DGUOK: variants seen among roughly 807,000 people sequenced by gnomAD.
The protein encoded by DGUOK is deoxyguanosine kinase, also known as deoxyguanosine kinase, mitochondrial.
In DGUOK, 30 loss-of-function variants were observed where a neutral mutation model predicts 36.6. The observed-to-expected ratio is 0.82, with a 90% CI of 0.61 to 1.11. The LOEUF (loss-of-function observed/expected upper bound fraction) is 1.11. Among genes scored for constraint, DGUOK ranks in the 50% most tolerant of loss-of-function variants. The probability of loss-of-function intolerance (pLI) is 0.00; values close to 1 mark genes in which losing one functional copy is unlikely to be tolerated. For missense variants in DGUOK, 361 were observed against 336.4 expected (o/e 1.07, Z -0.57); for synonymous variants, 145 against 126.3 (o/e 1.15, Z -0.99).
chr2:73,935,228 G>T (rs1007890626), intron 1 of DGUOK, among the ~76,000 whole-genome samples: 4 of 152,202 alleles, frequency 2.6e-5, no homozygotes, highest in African/African-American at 9.6e-5. Context: ...GTGACAGAGA[G>T]AGACCCCCAT....
chr2:73,940,400 C>T (rs1369830673), intron 2 of DGUOK, among the ~76,000 whole-genome samples: 1 of 152,108 alleles, frequency 6.6e-6, no homozygotes, highest in Non-Finnish European at 1.5e-5. Flanking sequence ...TTCTGGGTGC[C>T]ATTTTTTTTT....
chr2:73,933,943 A>T (rs909721919), intron 1 of DGUOK, among the ~76,000 whole-genome samples: 1 of 152,238 alleles, frequency 6.6e-6, no homozygotes, highest in African/African-American at 2.4e-5. Context: ...TAAAAAAGAC[A>T]TTAGACAGTT....
chr2:73,957,082 A>C (rs750279491), intron 4 of DGUOK, 43 bp from the exon 5 acceptor site: 17 of 1,477,768 alleles, frequency 1.2e-5, no homozygotes, highest in Non-Finnish European at 1.4e-5. Flanking sequence ...TGTAGCAGCC[A>C]AAACAGCAAA....
chr2:73,934,073 T>C lies in DGUOK; in HGVS notation c.143-4837T>C, dbSNP rs1170174548. 2.0e-5 allele frequency among the ~76,000 whole-genome samples: 3 copies of C among 152,234 alleles called. No homozygotes were observed. In the East Asian group the frequency reaches 5.8e-4, roughly 29 times the overall value. ...TAGAGGTGATAAATATAGGCTCCTATGAAATACAGCTGTATTAGACGTAAA... is the reference window on the plus strand; with the variant it reads ...TAGAGGTGATAAATATAGGCTCCTACGAAATACAGCTGTATTAGACGTAAA... On this transcript the variant is annotated intron_variant, in intron 1 of 6. Transcript: ENST00000264093.
chr2:73,934,986 G>C, intron 1 of DGUOK, among the ~76,000 whole-genome samples: 1 of 151,810 alleles, frequency 6.6e-6, no homozygotes, highest in South Asian at 2.1e-4. Context: ...TGAGGCAGGA[G>C]AATCGCTTGA....
chr2:73,955,318 A>G (rs985883459), intron 4 of DGUOK, among the ~76,000 whole-genome samples: 1 of 152,240 alleles, frequency 6.6e-6, no homozygotes, highest in Non-Finnish European at 1.5e-5. Context: ...GGAAAATGAG[A>G]TGATAGCTTT....
chr2:73,946,981 A>T, intron 3 of DGUOK, 75 bp downstream of exon 3: 2 of 1,274,362 alleles, frequency 1.6e-6, no homozygotes, highest in Non-Finnish European at 2.2e-6. Flanking sequence ...CAGATCCTGC[A>T]CTGCTATGGT....
chr2:73,930,818 C>CA (rs1247352635), intron 1 of DGUOK, among the ~76,000 whole-genome samples: 1 of 103,756 alleles, frequency 9.6e-6, no homozygotes, highest in Non-Finnish European at 1.8e-5. Context: ...TTTTTTGAGA[C>CA]AGAGTCTTGC....
intron 1 of DGUOK, 134 bp downstream of exon 1, chr2:73,927,186 TC>T: frequency 8.0e-7 from 1 of 1,256,862 alleles, no homozygotes. Flanking sequence ...GGAGAGCCTT[TC>T]CCCTCGCAAA....
At chr2:73,952,415 G>A (rs1363598771) in intron 4 of DGUOK, among the ~76,000 whole-genome samples, 1 of 152,216 alleles carries the variant, frequency 6.6e-6, no homozygotes, top group African/African-American at 2.4e-5. Context: ...AGGACAGTTT[G>A]AAGTGTCAAA....
At chr2:73,944,275 C>T (rs1682124938) in intron 2 of DGUOK, among the ~76,000 whole-genome samples, 1 of 152,326 alleles carries the variant, frequency 6.6e-6, no homozygotes, top group Non-Finnish European at 1.5e-5. Context: ...CTGCCTTGGC[C>T]TCCCAAAGTG....
chr2:73,933,849 G>T (rs1681246544), intron 1 of DGUOK, among the ~76,000 whole-genome samples: 1 of 152,078 alleles, frequency 6.6e-6, no homozygotes, highest in Non-Finnish European at 1.5e-5. Flanking sequence ...ATAAACATTT[G>T]TTGATTGAAT....
intron 1 of DGUOK, among the ~76,000 whole-genome samples, chr2:73,934,475 G>A (rs955184139): frequency 2.0e-5 from 3 of 152,138 alleles, no homozygotes; most frequent in South Asian, 2.1e-4. Flanking sequence ...AAGACAGGCC[G>A]GGCGATGTGG....
At position 73,958,208 on chromosome 2, in the gene DGUOK, C is replaced by T. The variant is rs1402606988; in HGVS notation, c.770C>T (p.Ser257Phe). The T allele has an allele frequency of 6.2e-7, 1 of 1,613,812 alleles. No individual in the cohort carries two copies. Among genetic ancestry groups the T allele is most frequent in the Admixed American group, 1.7e-5 (1 of 60,012 alleles). The change falls in exon 6 of 7, where the codon TCT (serine) becomes TTT (phenylalanine). Residue 257 changes from serine to phenylalanine, a missense_variant. Coordinates refer to ENST00000264093, the MANE Select transcript of DGUOK (RefSeq NM_080916.3). ...VLVLDVNDDF[S>F]EEVTKQEDLM... ...GTGTTGGATGTCAATGATGATTTTT[C>T]TGAGGAAGTAACCAAACAAGAAGAC...
In DGUOK at chr2:73,936,289, C is replaced by T. The variant is rs189187406; in HGVS notation, c.143-2621C>T. 2.2e-3 allele frequency among the ~76,000 whole-genome samples: 332 copies of T among 152,250 alleles called. 2 individuals carry two copies. Among genetic ancestry groups the T allele is most frequent in the African/African-American group, 7.7e-3 (321 of 41,550 alleles). On this transcript the variant is annotated intron_variant, in intron 1 of 6. Transcript: ENST00000264093. ...GGTAGGAATTCAGAGCTAGAGAAGTCCTGAAGAAGTGGCACCTTAGGCTTG... is the reference window on the plus strand; with the variant it reads ...GGTAGGAATTCAGAGCTAGAGAAGTTCTGAAGAAGTGGCACCTTAGGCTTG...
At position 73,958,811 on chromosome 2, in the gene DGUOK, C is replaced by A; in HGVS notation, c.*75C>A. ...GCTAGAAAAATGTTGTGTCTCCCAA[C>A]CACCTTTCCATCCCCAGCCCCTCTC... On this transcript the variant is annotated 3_prime_UTR_variant, in exon 7 of 7. Coordinates refer to ENST00000264093, the MANE Select transcript of DGUOK (RefSeq NM_080916.3). 1.6e-6 allele frequency: 2 copies of A among 1,272,878 alleles called. No homozygotes were observed. The highest frequency in any genetic ancestry group is 2.3e-6 in the Non-Finnish European group (2 of 867,910). 78.8% of individuals were successfully genotyped at this position (1,272,878 alleles called of 1,614,324 possible).
At chr2:73,933,125 C>T (rs556462842) in intron 1 of DGUOK, among the ~76,000 whole-genome samples, 1 of 152,300 alleles carries the variant, frequency 6.6e-6, no homozygotes, top group East Asian at 1.9e-4. Flanking sequence ...TCCCTAATAA[C>T]ATGTTTCCTC....
intron 1 of DGUOK, among the ~76,000 whole-genome samples, chr2:73,936,248 C>T (rs1027471381): frequency 2.0e-5 from 3 of 152,220 alleles, no homozygotes; most frequent in Admixed American, 6.5e-5. Flanking sequence ...TCAACCACTT[C>T]GCACCTGACC....
At chr2:73,942,472 G>A (rs1199873345) in intron 2 of DGUOK, among the ~76,000 whole-genome samples, 6 of 151,960 alleles carry the variant, frequency 3.9e-5, no homozygotes, top group Admixed American at 3.9e-4. Context: ...TTATTCCTGA[G>A]CAGAATATAT....
Sources: allele counts gnomAD v4.1 joint callset (sites outside exome capture counted in the v4.1 genomes callset), GRCh38; gene constraint gnomAD v4.1.1; transcripts MANE v1.5; gene names NCBI Gene and HGNC (gene_info 2026-07-23, HGNC 2026-07-21).